The following DACH1 variants were observed in gnomAD, a reference collection of about 807,000 sequenced individuals.
DACH1 encodes the protein dachshund family transcription factor 1, also known as dachshund homolog 1.
In DACH1, 12 loss-of-function variants were observed where a neutral mutation model predicts 54.2. That is an observed-to-expected ratio of 0.22 (90% confidence interval 0.14 to 0.36). The LOEUF is 0.36. Ranked by LOEUF, DACH1 falls within the 10% of genes least tolerant of loss-of-function variation. The pLI, the probability that DACH1 is intolerant of heterozygous loss-of-function variation, is 1.00. For missense variants in DACH1, 805 were observed against 929.8 expected (o/e 0.87, Z 1.75); for synonymous variants, 386 against 366.2 (o/e 1.05, Z -0.62).
At chr13:71,672,598 G>A (rs2138679532) in intron 2 of DACH1, among the ~76,000 whole-genome samples, 1 of 152,042 alleles carries the variant, frequency 6.6e-6, no homozygotes, top group Non-Finnish European at 1.5e-5. Flanking sequence ...CCTATCAAAG[G>A]GAAAGGCTAA....
chr13:71,484,287 G>A (rs2138192491), intron 7 of DACH1, among the ~76,000 whole-genome samples: 1 of 152,086 alleles, frequency 6.6e-6, no homozygotes, highest in East Asian at 1.9e-4. Context: ...TCATCCTCAT[G>A]AATATTAATA....
intron 6 of DACH1, among the ~76,000 whole-genome samples, chr13:71,499,675 C>T (rs559608256): frequency 7.2e-5 from 11 of 152,016 alleles, no homozygotes; most frequent in Non-Finnish European, 1.6e-4. Context: ...AGTTCTTTCT[C>T]GTTTTATAAG....
At chr13:71,612,263 A>G (rs1298052928) in intron 3 of DACH1, among the ~76,000 whole-genome samples, 1 of 152,118 alleles carries the variant, frequency 6.6e-6, no homozygotes, top group Non-Finnish European at 1.5e-5. Context: ...GGTTAATTTG[A>G]GTGACTTAAA....
At chr13:71,496,306 T>TATATATATATATATATATATATAC (rs1217159359) in intron 6 of DACH1, among the ~76,000 whole-genome samples, 1 of 46,114 alleles carries the variant, frequency 2.2e-5, no homozygotes, top group Non-Finnish European at 4.2e-5. Context: ...TATATATATA[T>TATATATATATATATATATATATAC]ACACACACAA....
At chr13:71,658,000 A>C (rs1459266929) in intron 2 of DACH1, among the ~76,000 whole-genome samples, 5 of 152,198 alleles carry the variant, frequency 3.3e-5, no homozygotes, top group Non-Finnish European at 7.3e-5. Context: ...AGAAAAACTA[A>C]CTTCTATTAA....
chr13:71,864,714 C>T (rs752250964), intron 1 of DACH1, among the ~76,000 whole-genome samples: 3 of 152,042 alleles, frequency 2.0e-5, no homozygotes, highest in Non-Finnish European at 4.4e-5. Flanking sequence ...GAATGATCAT[C>T]TCTACCCCGA....
intron 1 of DACH1, among the ~76,000 whole-genome samples, chr13:71,772,652 A>G (rs1389907142): frequency 6.6e-6 from 1 of 151,800 alleles, no homozygotes; most frequent in Non-Finnish European, 1.5e-5. Context: ...TGACAAATGT[A>G]GGACATAATG....
intron 1 of DACH1, among the ~76,000 whole-genome samples, chr13:71,718,967 T>C (rs1271846962): frequency 6.6e-6 from 1 of 152,142 alleles, no homozygotes; most frequent in Non-Finnish European, 1.5e-5. Flanking sequence ...TTTTAAGTAA[T>C]AGCCAAAGCA....
intron 1 of DACH1, among the ~76,000 whole-genome samples, chr13:71,843,672 A>G (rs752581179): frequency 2.0e-5 from 3 of 152,184 alleles, no homozygotes; most frequent in Non-Finnish European, 4.4e-5. Flanking sequence ...GAAGTTTACA[A>G]TTCTTCAAGA....
intron 1 of DACH1, chr13:71,846,251 A>G: frequency 4.0e-6 from 1 of 252,008 alleles, no homozygotes; most frequent in South Asian, 5.8e-5. Flanking sequence ...CCAAATTCCG[A>G]AGCAATCTTC....
At chr13:71,747,304 C>T (rs953695098) in intron 1 of DACH1, among the ~76,000 whole-genome samples, 1 of 152,074 alleles carries the variant, frequency 6.6e-6, no homozygotes, top group South Asian at 2.1e-4. Flanking sequence ...CCAGGCCTGG[C>T]GTCGTGGCTC....
At chr13:71,630,793 C>T (rs1195518800) in intron 2 of DACH1, 76 bp from the exon 3 acceptor site, 30 of 1,427,210 alleles carry the variant, frequency 2.1e-5, no homozygotes, top group South Asian at 7.6e-5. Flanking sequence ...TTGCTATAAC[C>T]AACATACAAA....
chr13:71,787,792 C>T (rs1282045684), intron 1 of DACH1, among the ~76,000 whole-genome samples: 1 of 152,092 alleles, frequency 6.6e-6, no homozygotes, highest in Non-Finnish European at 1.5e-5. Context: ...TTCTCATTGA[C>T]TTTGGTGCAA....
At chr13:71,771,240 A>G (rs1885838678) in intron 1 of DACH1, among the ~76,000 whole-genome samples, 1 of 151,172 alleles carries the variant, frequency 6.6e-6, no homozygotes, top group Non-Finnish European at 1.5e-5. Context: ...AAAGAAATAT[A>G]CTATTAAGAA....
At chr13:71,561,232 A>G (rs751513116) in intron 4 of DACH1, among the ~76,000 whole-genome samples, 2 of 152,128 alleles carry the variant, frequency 1.3e-5, no homozygotes, top group Non-Finnish European at 2.9e-5. Context: ...TTTCACTCCC[A>G]GAGATTCTGG....
At chr13:71,819,232 T>A (rs972126945) in intron 1 of DACH1, among the ~76,000 whole-genome samples, 2 of 152,092 alleles carry the variant, frequency 1.3e-5, no homozygotes, top group African/African-American at 4.8e-5. Context: ...AGGAAGAGAA[T>A]TAAATGTCCT....
At chr13:71,699,726 T>C (rs777023692) in intron 1 of DACH1, among the ~76,000 whole-genome samples, 3 of 152,234 alleles carry the variant, frequency 2.0e-5, no homozygotes, top group Non-Finnish European at 4.4e-5. Flanking sequence ...AAACTTTTCA[T>C]AAGCTTTGAA....
intron 1 of DACH1, among the ~76,000 whole-genome samples, chr13:71,839,685 C>A (rs1888942619): frequency 6.6e-6 from 1 of 152,042 alleles, no homozygotes; most frequent in African/African-American, 2.4e-5. Context: ...CTAACTTTTC[C>A]CTTGAGTTCC....
At chr13:71,515,348 G>A (rs1302971937) in intron 6 of DACH1, among the ~76,000 whole-genome samples, 1 of 151,810 alleles carries the variant, frequency 6.6e-6, no homozygotes, top group African/African-American at 2.4e-5. Context: ...ATATTCCAAC[G>A]AAAATATAAA....
Sources: gnomAD v4.1 joint callset for allele counts (sites outside exome capture counted in the v4.1 genomes callset) on GRCh38, gnomAD v4.1.1 for gene constraint, MANE v1.5 for transcripts, NCBI Gene and HGNC (gene_info 2026-07-23, HGNC 2026-07-21) for gene names.